SPRYD4: variants seen among roughly 807,000 people sequenced by gnomAD.
The protein encoded by SPRYD4 is SPRY domain containing 4.
A neutral mutation model predicts 16.6 loss-of-function variants in SPRYD4; 12 were observed. The ratio of observed to expected loss-of-function variants is 0.72; its 90% CI spans 0.46 to 1.17. SPRYD4 has a LOEUF of 1.17. Among genes scored for constraint, SPRYD4 ranks in the 50% most tolerant of loss-of-function variants. SPRYD4 has a pLI of 0.00. For missense variants in SPRYD4, 260 were observed against 260.2 expected (o/e 1.00, Z 0.00); for synonymous variants, 98 against 105.4 (o/e 0.93, Z 0.43).
chr12:56,474,466 C>T lies in SPRYD4; in HGVS notation c.*4889C>T. The T allele has an allele frequency of 6.4e-7, 1 of 1,566,562 alleles. No individual in the cohort carries two copies. The highest frequency in any genetic ancestry group is 8.7e-7 in the Non-Finnish European group (1 of 1,152,008). ...ATGAGAGGCAGGAACAAGCTTCCAC[C>T]TCTATCTTGAGAGAGTCAGTGTTCT... is the stretch of plus-strand genomic sequence containing the variant. On this transcript the variant is annotated 3_prime_UTR_variant, in exon 2 of 2. Coordinates refer to ENST00000338146, the MANE Select transcript of SPRYD4 (RefSeq NM_207344.4).
At position 56,472,840 on chromosome 12, in the gene SPRYD4, A is replaced by G. The variant is rs1230748777; in HGVS notation, c.*3263A>G. 1 of 1,060,618 alleles carries G rather than the reference A, an allele frequency of 9.4e-7. No individual in the cohort carries two copies. The highest frequency in any genetic ancestry group is 1.5e-6 in the Non-Finnish European group (1 of 679,356). The allele number at this position is 1,060,618 out of a possible 1,614,324, so 65.7% of individuals were successfully genotyped here. A position where few individuals can be genotyped will look rare whatever the true frequency, so the allele number is the denominator to read the frequency against. On this transcript the variant is annotated 3_prime_UTR_variant, in exon 2 of 2. Coordinates refer to ENST00000338146, the MANE Select transcript of SPRYD4 (RefSeq NM_207344.4). Reference sequence around the variant, plus strand: ...ACCCTCCTCCATGGATGCTTAGTCCAAGGGTATTGCTGAAGTGTTATGGAA... The same window carrying G: ...ACCCTCCTCCATGGATGCTTAGTCCGAGGGTATTGCTGAAGTGTTATGGAA...
chr12:56,473,774 T>C lies in SPRYD4; in HGVS notation c.*4197T>C. On this transcript the variant is annotated 3_prime_UTR_variant, in exon 2 of 2. Coordinates refer to ENST00000338146, the MANE Select transcript of SPRYD4 (RefSeq NM_207344.4). ...TGTCCTTTCCTTCCCTTAAATTCAT[T>C]GATTCAGCTAGAAAATATTTTTTGA... 1.5e-6 allele frequency: 1 copy of C among 677,512 alleles called. No homozygotes were observed. The highest frequency in any genetic ancestry group is 2.3e-6 in the Non-Finnish European group (1 of 437,950). The allele number at this position is 677,512 out of a possible 1,614,324, so 42.0% of individuals were successfully genotyped here.
chr12:56,475,838 A>G lies in SPRYD4; in HGVS notation c.*6261A>G. The G allele has an allele frequency of 2.1e-6, 3 of 1,416,800 alleles. No individual in the cohort carries two copies. Among genetic ancestry groups the G allele is most frequent in the African/African-American group, 1.4e-5 (1 of 71,060 alleles). The allele number at this position is 1,416,800 out of a possible 1,614,324, so 87.8% of individuals were successfully genotyped here. A position where few individuals can be genotyped will look rare whatever the true frequency, so the allele number is the denominator to read the frequency against. ...CATTTCTGGAAATAAGGCTTCTAGTATGGGCTGGTGCACCTGGTAGTGGGG... is the reference window on the plus strand; with the variant it reads ...CATTTCTGGAAATAAGGCTTCTAGTGTGGGCTGGTGCACCTGGTAGTGGGG... On this transcript the variant is annotated 3_prime_UTR_variant, in exon 2 of 2. Coordinates refer to ENST00000338146, the MANE Select transcript of SPRYD4 (RefSeq NM_207344.4).
rs1869937759 is a variant in SPRYD4 at position 56,477,662 on chromosome 12, T to C, written c.*8085T>C. On this transcript the variant is annotated 3_prime_UTR_variant, in exon 2 of 2. Coordinates refer to ENST00000338146, the MANE Select transcript of SPRYD4 (RefSeq NM_207344.4). ...CAGAAGGTTAAGGTGGCACTGACCT[T>C]GATCAGGGAGCTGACAACAATGGCA... is the stretch of plus-strand genomic sequence containing the variant. 6.2e-7 allele frequency: 1 copy of C among 1,613,278 alleles called. No individual in the cohort carries two copies.
In SPRYD4 at chr12:56,475,510, C is replaced by A; in HGVS notation, c.*5933C>A. ...CAGAGGAAGCTGGAGGGCCAAAGTTCCCCTGGGATTTCTTCCTCCTAAGAT... is the reference window on the plus strand; with the variant it reads ...CAGAGGAAGCTGGAGGGCCAAAGTTACCCTGGGATTTCTTCCTCCTAAGAT... On this transcript the variant is annotated 3_prime_UTR_variant, in exon 2 of 2. Transcript: ENST00000338146. The A allele has an allele frequency of 9.0e-7, 1 of 1,107,212 alleles. No homozygotes were observed. The highest frequency in any genetic ancestry group is 1.3e-6 in the Non-Finnish European group (1 of 756,372). 68.6% of individuals were successfully genotyped at this position (1,107,212 alleles called of 1,614,324 possible). A position where few individuals can be genotyped will look rare whatever the true frequency, so the allele number is the denominator to read the frequency against.
rs770689194 is a variant in SPRYD4 at position 56,474,684 on chromosome 12, C to T, written c.*5107C>T. ...CCGTTGGCGAGGGTGGCTGCCATGA[C>T]ACTGCCTGATTCACAAGTGACCTCC... is the stretch of plus-strand genomic sequence containing the variant. On this transcript the variant is annotated 3_prime_UTR_variant, in exon 2 of 2. Coordinates refer to ENST00000338146, the MANE Select transcript of SPRYD4 (RefSeq NM_207344.4). The T allele has an allele frequency of 2.5e-6, 4 of 1,612,568 alleles. No individual in the cohort carries two copies. The Admixed American group carries it at 6.7e-5, about 27-fold the overall frequency.
rs772888157 is a variant in SPRYD4 at position 56,468,608 on chromosome 12, C to A, written c.17C>A (p.Ala6Glu). 1.2e-6 allele frequency: 2 copies of A among 1,613,674 alleles called. No individual in the cohort carries two copies. The highest frequency in any genetic ancestry group is 2.2e-5 in the East Asian group (1 of 44,894). Residue 6 changes from alanine to glutamate, a missense_variant, in exon 1 of 2, where the codon GCA becomes GAA. Transcript: ENST00000338146. ...AGGCGCAAGATGGCGCTGCTTTTTG[C>A]ACGTTCTTTGCGCTTGTGCCGCTGG... Reference protein sequence around the residue: MALLFARSLRLCRWGA... With the variant: MALLFERSLRLCRWGA...
Position 56,473,702 on chromosome 12 carries a change from A to G in SPRYD4, c.*4125A>G. ...GTTTACAAATGACTGCATGACCACAATCCACCTCAACCTTTTGGCTTGTTA... is the reference window on the plus strand; with the variant it reads ...GTTTACAAATGACTGCATGACCACAGTCCACCTCAACCTTTTGGCTTGTTA... On this transcript the variant is annotated 3_prime_UTR_variant, in exon 2 of 2. Transcript: ENST00000338146. 5.9e-6 allele frequency: 8 copies of G among 1,363,860 alleles called. No homozygotes were observed. Among genetic ancestry groups the G allele is most frequent in the Non-Finnish European group, 7.8e-6 (8 of 1,020,504 alleles). The allele number at this position is 1,363,860 out of a possible 1,614,324, so 84.5% of individuals were successfully genotyped here.
Position 56,471,051 on chromosome 12 carries a change from G to T in SPRYD4, c.*1474G>T. Reference sequence around the variant, plus strand: ...CAGCATGTCCTGGCCAAGGGGAGTAGATTTCTCCAGACTACTAAAGCCATG... The same window carrying T: ...CAGCATGTCCTGGCCAAGGGGAGTATATTTCTCCAGACTACTAAAGCCATG... On this transcript the variant is annotated 3_prime_UTR_variant, in exon 2 of 2. Transcript: ENST00000338146. The T allele has an allele frequency of 3.5e-6, 1 of 283,646 alleles. No homozygotes were observed. The highest frequency in any genetic ancestry group is 6.5e-6 in the Non-Finnish European group (1 of 153,358). The allele number at this position is 283,646 out of a possible 1,614,324, so 17.6% of individuals were successfully genotyped here.
Position 56,470,443 on chromosome 12 carries a change from G to C in SPRYD4, c.*866G>C, listed in dbSNP as rs1869184213. 1 of 152,252 alleles carries C rather than the reference G, an allele frequency of 6.6e-6. No individual in the cohort carries two copies. Among genetic ancestry groups the C allele is most frequent in the African/African-American group, 2.4e-5 (1 of 41,424 alleles). The allele number at this position is 152,252 out of a possible 1,614,324, so 9.4% of individuals were successfully genotyped here. ...GGGTTCAAGCGACTCTCGTGCCTCAGCCTCCTGAGTAGCTAGGATTACAGG... is the reference window on the plus strand; with the variant it reads ...GGGTTCAAGCGACTCTCGTGCCTCACCCTCCTGAGTAGCTAGGATTACAGG... On this transcript the variant is annotated 3_prime_UTR_variant, in exon 2 of 2. Coordinates refer to ENST00000338146, the MANE Select transcript of SPRYD4 (RefSeq NM_207344.4).
rs935626804 is a variant in SPRYD4, at chr12:56,477,699, C to T, written c.*8122C>T. The T allele has an allele frequency of 6.2e-7, 1 of 1,613,362 alleles. No individual in the cohort carries two copies. On this transcript the variant is annotated 3_prime_UTR_variant, in exon 2 of 2. Coordinates refer to ENST00000338146, the MANE Select transcript of SPRYD4 (RefSeq NM_207344.4). ...TGACAACAATGGCACCAGCATTGAC[C>T]ATGGGGTTATGGGGGATTCCTGGGG...
In SPRYD4 at chr12:56,479,322, T is replaced by C; in HGVS notation, c.*9745T>C. The C allele has an allele frequency of 9.6e-7, 1 of 1,043,860 alleles. No individual in the cohort carries two copies. Among genetic ancestry groups the C allele is most frequent in the East Asian group, 2.7e-5 (1 of 37,120 alleles). 64.7% of individuals were successfully genotyped at this position (1,043,860 alleles called of 1,614,324 possible). ...AGCTCTGTTACCTTTGGCAAATCAG[T>C]TTACCTTTCTAGGTCTTAGTTTCCG... On this transcript the variant is annotated 3_prime_UTR_variant, in exon 2 of 2. Coordinates refer to ENST00000338146, the MANE Select transcript of SPRYD4 (RefSeq NM_207344.4).
Position 56,478,635 on chromosome 12 carries a change from C to T in SPRYD4, c.*9058C>T, listed in dbSNP as rs1870032679. The stretch of plus-strand genomic sequence containing the variant: ...ATAGAAACACATGAAGCCATGTCAC[C>T]ATTTACAGAAGTTCTGCTTCTCATC... On this transcript the variant is annotated 3_prime_UTR_variant, in exon 2 of 2. Coordinates refer to ENST00000338146, the MANE Select transcript of SPRYD4 (RefSeq NM_207344.4). 3.8e-6 allele frequency: 1 copy of T among 264,908 alleles called. No individual in the cohort carries two copies. Among genetic ancestry groups the T allele is most frequent in the Non-Finnish European group, 7.3e-6 (1 of 137,086 alleles). The allele number at this position is 264,908 out of a possible 1,614,324, so 16.4% of individuals were successfully genotyped here. A position where few individuals can be genotyped will look rare whatever the true frequency, so the allele number is the denominator to read the frequency against.
rs1476406888 is a variant in SPRYD4 at position 56,472,983 on chromosome 12, G to A, written c.*3406G>A. On this transcript the variant is annotated 3_prime_UTR_variant, in exon 2 of 2. Transcript: ENST00000338146. ...TGGCTCACTGCAACCTCTGCCTCCC[G>A]GTTTCAAGCGATTCTCCTGCCTCAG... 1.8e-5 allele frequency: 10 copies of A among 563,994 alleles called. No individual in the cohort carries two copies. The highest frequency in any genetic ancestry group is 2.8e-5 in the Non-Finnish European group (9 of 323,622). 34.9% of individuals were successfully genotyped at this position (563,994 alleles called of 1,614,324 possible).
chr12:56,474,734 G>T lies in SPRYD4; in HGVS notation c.*5157G>T. On this transcript the variant is annotated 3_prime_UTR_variant, in exon 2 of 2. Coordinates refer to ENST00000338146, the MANE Select transcript of SPRYD4 (RefSeq NM_207344.4). ...CACAGAACACAGCTATGAAAACAAA[G>T]AATAGGTGAAGATGTGACGTGAACC... The T allele has an allele frequency of 6.2e-7, 1 of 1,608,628 alleles. No homozygotes were observed. The highest frequency in any genetic ancestry group is 8.5e-7 in the Non-Finnish European group (1 of 1,176,428).
Position 56,473,605 on chromosome 12 carries a change from GA to G in SPRYD4, c.*4030del. The G allele has an allele frequency of 6.2e-7, 1 of 1,603,184 alleles. No individual in the cohort carries two copies. The highest frequency in any genetic ancestry group is 1.1e-5 in the South Asian group (1 of 89,944). ...GGCTGGCAGGCCCACCTGGGGAACA[GA>G]ACTGAAGCTGAGGATAAAGTGGGTG... On this transcript the variant is annotated 3_prime_UTR_variant, in exon 2 of 2. Transcript: ENST00000338146.
At position 56,476,021 on chromosome 12, in the gene SPRYD4, A is replaced by G. The variant is rs2136184723; in HGVS notation, c.*6444A>G. 6.3e-7 allele frequency: 1 copy of G among 1,589,910 alleles called. No individual in the cohort carries two copies. The highest frequency in any genetic ancestry group is 2.2e-5 in the East Asian group (1 of 44,780). ...ATGTCAGCATTCTAAGTGTAGGAGGATGACAGAGGGAAGGGTCAGAAGGAT... is the reference window on the plus strand; with the variant it reads ...ATGTCAGCATTCTAAGTGTAGGAGGGTGACAGAGGGAAGGGTCAGAAGGAT... On this transcript the variant is annotated 3_prime_UTR_variant, in exon 2 of 2. Coordinates refer to ENST00000338146, the MANE Select transcript of SPRYD4 (RefSeq NM_207344.4).
rs779758355 is a variant in SPRYD4, at chr12:56,471,859, A to C, written c.*2282A>C. The stretch of plus-strand genomic sequence containing the variant: ...GTCCTAGGAATATGGGCAGAAGGAA[A>C]ATGAGAAGGCGCAGGTCTTGAACCC... On this transcript the variant is annotated 3_prime_UTR_variant, in exon 2 of 2. Coordinates refer to ENST00000338146, the MANE Select transcript of SPRYD4 (RefSeq NM_207344.4). The C allele has an allele frequency of 6.2e-7, 1 of 1,611,528 alleles. No homozygotes were observed. The highest frequency in any genetic ancestry group is 8.5e-7 in the Non-Finnish European group (1 of 1,178,198).
chr12:56,471,706 G>T lies in SPRYD4; in HGVS notation c.*2129G>T. 6.2e-7 allele frequency: 1 copy of T among 1,611,576 alleles called. No homozygotes were observed. The highest frequency in any genetic ancestry group is 8.5e-7 in the Non-Finnish European group (1 of 1,177,682). On this transcript the variant is annotated 3_prime_UTR_variant, in exon 2 of 2. Coordinates refer to ENST00000338146, the MANE Select transcript of SPRYD4 (RefSeq NM_207344.4). ...TGGAGAGTGGTGGTTGTATATATTT[G>T]CATGGTGGCTGGAGGGTAGGTGGAG...
Sources: gnomAD v4.1 joint callset for allele counts on GRCh38, gnomAD v4.1.1 for gene constraint, MANE v1.5 for transcripts, NCBI Gene and HGNC (gene_info 2026-07-23, HGNC 2026-07-21) for gene names.